CNTNAP2: variants seen among roughly 807,000 people sequenced by gnomAD.
CNTNAP2 encodes the protein contactin-associated protein-like 2.
Under a neutral mutation model 155.2 loss-of-function variants are expected in CNTNAP2, and 98 were observed. The observed-to-expected ratio is 0.63, with a 90% CI of 0.54 to 0.75. CNTNAP2 has a LOEUF of 0.75. Ranked by LOEUF, CNTNAP2 falls within the 30% of genes least tolerant of loss-of-function variation. The pLI is 0.00. For missense variants in CNTNAP2, 1,727 were observed against 1,688.1 expected (o/e 1.02, Z -0.40); for synonymous variants, 651 against 631.2 (o/e 1.03, Z -0.47).
At chr7:146,997,991 C>T in intron 3 of CNTNAP2, among the ~76,000 whole-genome samples, 1 of 151,928 alleles carries the variant, frequency 6.6e-6, no homozygotes, top group East Asian at 1.9e-4. Flanking sequence ...AAAAAACTAA[C>T]TCAGTTTTGT....
intron 14 of CNTNAP2, among the ~76,000 whole-genome samples, chr7:147,903,993 G>T (rs1799917996): frequency 6.6e-6 from 1 of 152,172 alleles, no homozygotes; most frequent in African/African-American, 2.4e-5. Context: ...CCATGTTGTA[G>T]ACAGTGATTT....
intron 3 of CNTNAP2, among the ~76,000 whole-genome samples, chr7:146,957,443 G>C (rs1160727144): frequency 2.6e-5 from 4 of 152,134 alleles, no homozygotes; most frequent in Admixed American, 6.5e-5. Context: ...GACCATTTTA[G>C]TCTCCATTTC....
chr7:147,811,242 G>A (rs922653283), intron 13 of CNTNAP2, among the ~76,000 whole-genome samples: 4 of 152,160 alleles, frequency 2.6e-5, no homozygotes, highest in South Asian at 2.1e-4. Context: ...CTATAGGCAC[G>A]TGCAACCACG....
intron 1 of CNTNAP2, among the ~76,000 whole-genome samples, chr7:146,454,706 A>G (rs1464498793): frequency 6.6e-6 from 1 of 152,066 alleles, no homozygotes; most frequent in Non-Finnish European, 1.5e-5. Flanking sequence ...AACTGTAAAA[A>G]TGATTGCAAA....
chr7:146,531,228 G>A (rs1274557769), intron 1 of CNTNAP2, among the ~76,000 whole-genome samples: 1 of 152,150 alleles, frequency 6.6e-6, no homozygotes, highest in Non-Finnish European at 1.5e-5. Context: ...TGAGGATGGA[G>A]GGAGGGAGGA....
At position 146,326,237 on chromosome 7, in the gene CNTNAP2, T is replaced by C. The variant is rs1002762406; in HGVS notation, c.97+209264T>C. Among the ~76,000 whole-genome samples, 9 of 152,156 alleles carry C rather than the reference T, an allele frequency of 5.9e-5. No individual in the cohort carries two copies. The East Asian group carries it at 1.7e-3, about 29-fold the overall frequency. ...GATAATGCAGAGGAAAAAACATATT[T>C]GTAGTGATGCCAGTGGAAGGACTGT... On this transcript the variant is annotated intron_variant, in intron 1 of 23. Transcript: ENST00000361727.
chr7:148,099,421 TTGTGTGTGTGTGTGTGTGTG>T (rs35957905), intron 15 of CNTNAP2, among the ~76,000 whole-genome samples: 1 of 140,966 alleles, frequency 7.1e-6, no homozygotes, highest in African/African-American at 2.7e-5. Context: ...AGCATTGCAA[TTGTGTGTGTGTGTGTGTGTG>T]TGTGTGTGTG....
At chr7:148,282,502 T>C (rs1343066968) in intron 21 of CNTNAP2, among the ~76,000 whole-genome samples, 2 of 152,200 alleles carry the variant, frequency 1.3e-5, no homozygotes, top group East Asian at 1.9e-4. Context: ...ATCATGAATG[T>C]AAAGGGCTTA....
intron 8 of CNTNAP2, among the ~76,000 whole-genome samples, chr7:147,258,744 A>G (rs1243882817): frequency 1.3e-5 from 2 of 152,162 alleles, no homozygotes; most frequent in African/African-American, 4.8e-5. Flanking sequence ...GTGACCTCCT[A>G]AACTTGCAGT....
chr7:147,457,851 A>T (rs965342076), intron 10 of CNTNAP2, among the ~76,000 whole-genome samples: 13 of 152,170 alleles, frequency 8.5e-5, no homozygotes, highest in South Asian at 6.2e-4. Context: ...ACAAAAAAAA[A>T]ATCTGATCTT....
At chr7:147,136,528 G>A (rs1801482281) in intron 8 of CNTNAP2, among the ~76,000 whole-genome samples, 7 of 152,026 alleles carry the variant, frequency 4.6e-5, no homozygotes, top group Admixed American at 3.9e-4. Context: ...GGTGTCTCAA[G>A]GGAGGAGTGG....
chr7:148,140,608 G>A (rs114736909), intron 16 of CNTNAP2, among the ~76,000 whole-genome samples: 2,450 of 151,874 alleles, frequency 0.016, 70 homozygotes, highest in African/African-American at 0.056. Flanking sequence ...TTTTAATAGG[G>A]ATGGCATTTC....
chr7:147,031,158 A>G (rs1404410624), intron 3 of CNTNAP2, among the ~76,000 whole-genome samples: 1 of 152,176 alleles, frequency 6.6e-6, no homozygotes, highest in South Asian at 2.1e-4. Context: ...TTTATTTAAC[A>G]TATCACAAAA....
intron 18 of CNTNAP2, among the ~76,000 whole-genome samples, chr7:148,202,801 A>C (rs1795388613): frequency 6.6e-6 from 1 of 152,212 alleles, no homozygotes; most frequent in Non-Finnish European, 1.5e-5. Flanking sequence ...AGATGACCAG[A>C]GGCTCTCACT....
intron 13 of CNTNAP2, among the ~76,000 whole-genome samples, chr7:147,821,982 A>G (rs1280698418): frequency 6.6e-6 from 1 of 152,178 alleles, no homozygotes; most frequent in African/African-American, 2.4e-5. Flanking sequence ...GAAGAAAATC[A>G]GAAGTTACAT....
chr7:146,246,823 C>T (rs1220191170), intron 1 of CNTNAP2, among the ~76,000 whole-genome samples: 2 of 152,156 alleles, frequency 1.3e-5, no homozygotes, highest in Non-Finnish European at 2.9e-5. Flanking sequence ...GGCCTGGTGG[C>T]CAGATTTCTG....
chr7:147,373,612 A>T (rs1651732087), intron 9 of CNTNAP2, among the ~76,000 whole-genome samples: 1 of 152,110 alleles, frequency 6.6e-6, no homozygotes, highest in African/African-American at 2.4e-5. Context: ...TCTGGATTTG[A>T]CAAATGTTAT....
At chr7:147,876,394 G>C (rs913318151) in intron 13 of CNTNAP2, among the ~76,000 whole-genome samples, 7 of 152,016 alleles carry the variant, frequency 4.6e-5, no homozygotes, top group African/African-American at 1.7e-4. Context: ...AATGTATATT[G>C]CTCAGCCAAA....
At chr7:148,332,888 C>G (rs1798056210) in intron 21 of CNTNAP2, among the ~76,000 whole-genome samples, 1 of 152,264 alleles carries the variant, frequency 6.6e-6, no homozygotes, top group East Asian at 1.9e-4. Flanking sequence ...GAAACAGAGC[C>G]TAAACCAAGT....
Sources: allele counts gnomAD v4.1 joint callset (sites outside exome capture counted in the v4.1 genomes callset), GRCh38; gene constraint gnomAD v4.1.1; transcripts MANE v1.5; gene names NCBI Gene and HGNC (gene_info 2026-07-23, HGNC 2026-07-21).